The following RFWD3 variants were observed in gnomAD, a reference collection of about 807,000 sequenced individuals.
RFWD3 encodes E3 ubiquitin-protein ligase RFWD3.
RFWD3 carries 65 observed loss-of-function variants against 87.7 expected under a neutral mutation model. The observed-to-expected ratio is 0.74, with a 90% CI of 0.61 to 0.91. The LOEUF (loss-of-function observed/expected upper bound fraction) is 0.91, where lower values mean the gene tolerates loss of function less well. Among genes scored for constraint, RFWD3 ranks in the 40% least tolerant of loss-of-function variants. The pLI is 0.00. For missense variants in RFWD3, 1,078 were observed against 938.5 expected (o/e 1.15, Z -1.94); for synonymous variants, 433 against 352.8 (o/e 1.23, Z -2.55).
intron 6 of RFWD3, chr16:74,643,863 G>C (rs1959881866): frequency 6.0e-6 from 1 of 165,296 alleles, no homozygotes; most frequent in South Asian, 1.6e-4. Flanking sequence ...TTTTTTAGTA[G>C]AGACGGGGTT....
At position 74,644,634 on chromosome 16, in the gene RFWD3, C is replaced by T. The variant is rs1297653028; in HGVS notation, c.894G>A (p.Gly298=). Reference sequence around the variant, plus strand: ...AGCGTAATGCTGAGAGCCGGTGGTCCCCAGCATTGGTCCACTGTTCCAGAC... The same window carrying T: ...AGCGTAATGCTGAGAGCCGGTGGTCTCCAGCATTGGTCCACTGTTCCAGAC... The part of the protein sequence containing the change: ...TICLEQWTNA[G]DHRLSALRCG... Residue 298 remains glycine, a synonymous_variant, in exon 5 of 13, where the codon GGG becomes GGA. Coordinates refer to ENST00000361070, the MANE Select transcript of RFWD3 (RefSeq NM_018124.4). 1 of 1,614,092 alleles carries T rather than the reference C, an allele frequency of 6.2e-7. No individual in the cohort carries two copies. The highest frequency in any genetic ancestry group is 8.5e-7 in the Non-Finnish European group (1 of 1,180,028).
At chr16:74,658,540 T>C (rs1242688028) in intron 2 of RFWD3, among the ~76,000 whole-genome samples, 1 of 152,136 alleles carries the variant, frequency 6.6e-6, no homozygotes, top group Admixed American at 6.6e-5. Context: ...TCTCAAGAAA[T>C]TCAGAAGTTA....
At chr16:74,630,596 A>T (rs1201433099) in intron 10 of RFWD3, among the ~76,000 whole-genome samples, 185 bp downstream of exon 10, 1 of 152,222 alleles carries the variant, frequency 6.6e-6, no homozygotes, top group Non-Finnish European at 1.5e-5. Context: ...CATCATATGA[A>T]ATAGCATGAA....
At chr16:74,655,134 C>T (rs997380672) in intron 2 of RFWD3, among the ~76,000 whole-genome samples, 12 of 152,158 alleles carry the variant, frequency 7.9e-5, no homozygotes, top group African/African-American at 1.7e-4. Flanking sequence ...GAAGATGCCA[C>T]GTAGGACTTT....
chr16:74,639,298 A>C (rs1431322164), intron 6 of RFWD3, among the ~76,000 whole-genome samples: 1 of 152,174 alleles, frequency 6.6e-6, no homozygotes, highest in Non-Finnish European at 1.5e-5. Context: ...TCAGCCTCCC[A>C]AAGTGCTGGG....
At chr16:74,644,292 C>G in intron 6 of RFWD3, 70 bp downstream of exon 6, 1 of 1,486,560 alleles carries the variant, frequency 6.7e-7, no homozygotes, top group Non-Finnish European at 9.4e-7. Flanking sequence ...TGACTCATAA[C>G]TTCTTTTTCA....
intron 1 of RFWD3, among the ~76,000 whole-genome samples, chr16:74,663,955 C>T (rs1401813629): frequency 6.6e-6 from 1 of 152,200 alleles, no homozygotes; most frequent in African/African-American, 2.4e-5. Flanking sequence ...ACTCAAACAC[C>T]AGCCAGCTAA....
chr16:74,629,227 T>C (rs975443170), intron 10 of RFWD3, among the ~76,000 whole-genome samples: 3 of 152,246 alleles, frequency 2.0e-5, no homozygotes, highest in African/African-American at 7.2e-5. Flanking sequence ...TCATTTCTGC[T>C]ATGAAGTCGT....
chr16:74,651,575 T>C (rs964969437), intron 3 of RFWD3, among the ~76,000 whole-genome samples: 1 of 152,204 alleles, frequency 6.6e-6, no homozygotes, highest in Non-Finnish European at 1.5e-5. Context: ...GCTGAGATTG[T>C]TGTCGCTGCA....
intron 4 of RFWD3, among the ~76,000 whole-genome samples, chr16:74,646,623 T>C (rs1439140380): frequency 6.7e-6 from 1 of 149,486 alleles, no homozygotes; most frequent in Admixed American, 6.6e-5. Flanking sequence ...TCGTCTCTAC[T>C]AAAATACAAA....
At chr16:74,646,023 C>T (rs963355482) in intron 4 of RFWD3, among the ~76,000 whole-genome samples, 1 of 152,038 alleles carries the variant, frequency 6.6e-6, no homozygotes, top group Non-Finnish European at 1.5e-5. Context: ...GCAGGGATTA[C>T]AGACGTGAGC....
intron 7 of RFWD3, among the ~76,000 whole-genome samples, chr16:74,636,821 C>T (rs1959207938): frequency 6.6e-6 from 1 of 151,476 alleles, no homozygotes; most frequent in African/African-American, 2.4e-5. Context: ...TCAAGCACTT[C>T]TGCCTCAGCC....
rs1486356875 is a variant in RFWD3, at chr16:74,623,780, T to A, written c.*148A>T. ...CACAATCTGTAGTGTCTCAGTGACC[T>A]AGGGTCCTAGAATCATACTAATGCA... On this transcript the variant is annotated 3_prime_UTR_variant, in exon 13 of 13. Coordinates refer to ENST00000361070, the MANE Select transcript of RFWD3 (RefSeq NM_018124.4). The A allele has an allele frequency of 1.3e-6, 1 of 759,700 alleles. No homozygotes were observed. The highest frequency in any genetic ancestry group is 1.7e-5 in the African/African-American group (1 of 57,208). 47.1% of individuals were successfully genotyped at this position (759,700 alleles called of 1,614,324 possible).
At chr16:74,628,385 AC>A in intron 11 of RFWD3, 66 bp downstream of exon 11, 1 of 1,468,100 alleles carries the variant, frequency 6.8e-7, no homozygotes, top group Non-Finnish European at 9.5e-7. Context: ...GTAGGATCAA[AC>A]CCTCCTTCCC....
At position 74,651,983 on chromosome 16, in the gene RFWD3, T is replaced by C. The variant is rs112942529; in HGVS notation, c.658A>G (p.Ser220Gly). 1 of 1,614,066 alleles carries C rather than the reference T, an allele frequency of 6.2e-7. No homozygotes were observed. Among genetic ancestry groups the C allele is most frequent in the African/African-American group, 1.3e-5 (1 of 75,030 alleles). ...VSSSSDSDSD[S>G]SAEYGGVVDQ... ...ACAACCCCTCCATACTCTGCAGAGC[T>C]GTCACTGTCAGAATCAGAACTACTA... Residue 220 changes from serine (S) to glycine (G), a missense_variant, in exon 3 of 13, where the codon AGC becomes GGC. Ser to Gly is a moderately conservative substitution (Grantham distance 56, BLOSUM62 0). Transcript: ENST00000361070.
chr16:74,649,483 A>G (rs1184166402), intron 3 of RFWD3, among the ~76,000 whole-genome samples: 1 of 152,204 alleles, frequency 6.6e-6, no homozygotes, highest in African/African-American at 2.4e-5. Flanking sequence ...TATTTTGCCA[A>G]TCTTGTTCCA....
intron 6 of RFWD3, among the ~76,000 whole-genome samples, chr16:74,641,473 A>T (rs371338423): frequency 7.0e-5 from 2 of 28,412 alleles, no homozygotes; most frequent in Non-Finnish European, 1.2e-4. Context: ...TAAACAGATT[A>T]ATTTTGACTA....
intron 2 of RFWD3, among the ~76,000 whole-genome samples, chr16:74,658,069 C>T (rs1961139170): frequency 6.6e-6 from 1 of 152,058 alleles, no homozygotes; most frequent in Non-Finnish European, 1.5e-5. Flanking sequence ...CTGTGAAAAC[C>T]AACAGGAAGC....
chr16:74,626,198 ACACATATG>A, intron 12 of RFWD3, 137 bp downstream of exon 12: 1 of 693,726 alleles, frequency 1.4e-6, no homozygotes, highest in Non-Finnish European at 2.5e-6. Context: ...TCTCACATAC[ACACATATG>A]CGGATATGTG....
Sources: allele counts gnomAD v4.1 joint callset (sites outside exome capture counted in the v4.1 genomes callset), GRCh38; gene constraint gnomAD v4.1.1; transcripts MANE v1.5; gene names NCBI Gene and HGNC (gene_info 2026-07-23, HGNC 2026-07-21).